Variants in SOX5 observed in about 807,000 individuals in gnomAD.
The protein encoded by SOX5 is transcription factor SOX-5.
In SOX5, 9 loss-of-function variants were observed where a neutral mutation model predicts 92.0. That is an observed-to-expected ratio of 0.10 (90% CI 0.06 to 0.17). SOX5 has a LOEUF of 0.17. Ranked by LOEUF, SOX5 falls within the 10% of genes least tolerant of loss-of-function variation. The pLI is 1.00. For synonymous variants in SOX5, 344 were observed against 336.3 expected, an observed-to-expected ratio of 1.02 and a Z score of -0.25; for missense variants, 642 against 944.5, an observed-to-expected ratio of 0.68 and a Z score of 4.20.
intron 1 of SOX5, among the ~76,000 whole-genome samples, chr12:24,416,746 T>C (rs1484295112): frequency 6.6e-6 from 1 of 152,222 alleles, no homozygotes; most frequent in Non-Finnish European, 1.5e-5. Context: ...AATAACAATA[T>C]TACAATGTAG....
chr12:24,449,718 A>T (rs569106485), intron 1 of SOX5, among the ~76,000 whole-genome samples: 1 of 152,330 alleles, frequency 6.6e-6, no homozygotes, highest in African/African-American at 2.4e-5. Flanking sequence ...AATCTTCTAG[A>T]TCTTTTCTAA....
intron 1 of SOX5, among the ~76,000 whole-genome samples, chr12:24,548,346 A>G (rs574427159): frequency 1.3e-5 from 2 of 152,374 alleles, no homozygotes; most frequent in East Asian, 3.9e-4. Context: ...AGAGTGAGAG[A>G]TATTCAGCTA....
intron 3 of SOX5, among the ~76,000 whole-genome samples, chr12:23,761,439 T>C (rs1045692027): frequency 1.4e-4 from 21 of 152,160 alleles, no homozygotes; most frequent in Non-Finnish European, 2.2e-4. Context: ...TTATGTAGTA[T>C]TTTTAAAATA....
chr12:24,371,866 T>TA (rs1485486065), intron 1 of SOX5, among the ~76,000 whole-genome samples: 9 of 152,030 alleles, frequency 5.9e-5, no homozygotes, highest in African/African-American at 2.2e-4. Flanking sequence ...CACACACCTA[T>TA]AGTCCCAGCT....
intron 4 of SOX5, among the ~76,000 whole-genome samples, chr12:24,012,035 T>G (rs550129673): frequency 9.8e-5 from 15 of 152,310 alleles, no homozygotes; most frequent in Middle Eastern, 3.4e-3. Context: ...CCATGCGTTC[T>G]TTAGCCACAG....
At chr12:23,624,798 A>G (rs1383668198) in intron 8 of SOX5, among the ~76,000 whole-genome samples, 2 of 152,234 alleles carry the variant, frequency 1.3e-5, no homozygotes, top group Admixed American at 6.5e-5. Flanking sequence ...AGCCAATTTT[A>G]CTGTATAATA....
intron 1 of SOX5, among the ~76,000 whole-genome samples, chr12:24,534,260 C>CT (rs1198725947): frequency 1.0e-3 from 144 of 143,704 alleles, no homozygotes; most frequent in Admixed American, 3.1e-3. Context: ...CTTTTCTTTG[C>CT]TTTTTTTTTT....
chr12:24,231,700 A>C (rs1231339973), intron 3 of SOX5, among the ~76,000 whole-genome samples: 51 of 152,198 alleles, frequency 3.4e-4, no homozygotes, highest in Non-Finnish European at 1.2e-4. Flanking sequence ...GAATGGCATA[A>C]AAGAGTAGGC....
In SOX5 at chr12:24,086,210, G is replaced by A. The variant is rs143955818; in HGVS notation, c.-2+127133C>T. On this transcript the variant is annotated intron_variant, in intron 4 of 4. Transcript: ENST00000446891. ...AATGCAGTACATTTTTTTTTTCATT[G>A]TCAAAATATACTCTTAGTTAAGAAA... Among the ~76,000 whole-genome samples the A allele has an allele frequency of 1.5e-3, 233 of 150,660 alleles. 5 individuals are homozygous for A. In the East Asian group the frequency reaches 0.04, roughly 26 times the overall value.
At chr12:24,155,095 A>C (rs1003327155) in intron 4 of SOX5, among the ~76,000 whole-genome samples, 1 of 152,134 alleles carries the variant, frequency 6.6e-6, no homozygotes, top group African/African-American at 2.4e-5. Flanking sequence ...TCGTACGCTA[A>C]GCACAGCTCA....
At chr12:24,063,274 T>G (rs1940083046) in intron 4 of SOX5, among the ~76,000 whole-genome samples, 1 of 152,208 alleles carries the variant, frequency 6.6e-6, no homozygotes. Context: ...AATCATAATT[T>G]TATAACTAGT....
At chr12:24,403,827 G>T (rs1345856938) in intron 1 of SOX5, among the ~76,000 whole-genome samples, 2 of 152,122 alleles carry the variant, frequency 1.3e-5, no homozygotes, top group East Asian at 3.9e-4. Context: ...TAGAATTTTG[G>T]CAAGAAAAAT....
At chr12:23,601,540 T>G (rs2074497295) in intron 9 of SOX5, among the ~76,000 whole-genome samples, 1 of 152,132 alleles carries the variant, frequency 6.6e-6, no homozygotes, top group South Asian at 2.1e-4. Context: ...AACATAGACA[T>G]GAACATTTGC....
At chr12:24,177,578 GT>G (rs976055374) in intron 4 of SOX5, among the ~76,000 whole-genome samples, 11 of 152,168 alleles carry the variant, frequency 7.2e-5, no homozygotes, top group African/African-American at 2.4e-4. Context: ...TTAAAGGGTT[GT>G]TTTTATATTA....
intron 3 of SOX5, among the ~76,000 whole-genome samples, chr12:23,766,985 G>A (rs890429036): frequency 6.6e-5 from 10 of 152,084 alleles, no homozygotes; most frequent in Admixed American, 3.3e-4. Context: ...AAGCCAAGGC[G>A]AGAGACTCTC....
chr12:24,510,752 G>A (rs188688970), intron 1 of SOX5, among the ~76,000 whole-genome samples: 1 of 152,328 alleles, frequency 6.6e-6, no homozygotes, highest in East Asian at 1.9e-4. Flanking sequence ...GAGATCTGAA[G>A]AGAGGGAACG....
chr12:24,114,573 C>CAAAAAAAAAAAAAAAAAAAAAAAAAA (rs55913110), intron 4 of SOX5, among the ~76,000 whole-genome samples: 6 of 40,596 alleles, frequency 1.5e-4, no homozygotes, highest in Admixed American at 4.4e-4. Flanking sequence ...CACCCCGTCA[C>CAAAAAAAAAAAAAAAAAAAAAAAAAA]AAAAAAAAAA....
At chr12:23,973,869 C>T (rs959056197) in intron 4 of SOX5, among the ~76,000 whole-genome samples, 19 of 152,068 alleles carry the variant, frequency 1.2e-4, no homozygotes, top group East Asian at 9.7e-4. Context: ...CTAGGTTGCG[C>T]GCTCATATGA....
At chr12:23,863,431 G>A (rs1406114946) in intron 2 of SOX5, among the ~76,000 whole-genome samples, 1 of 152,148 alleles carries the variant, frequency 6.6e-6, no homozygotes. Flanking sequence ...CAGAGAAAAT[G>A]AGTTTAAGCC....
Sources: allele counts gnomAD v4.1 joint callset (sites outside exome capture counted in the v4.1 genomes callset), GRCh38; gene constraint gnomAD v4.1.1; transcripts MANE v1.5; gene names NCBI Gene and HGNC (gene_info 2026-07-23, HGNC 2026-07-21).